The following LINGO2 variants were observed in gnomAD, a reference collection of about 807,000 sequenced individuals.
LINGO2 encodes the protein leucine-rich repeat and immunoglobulin-like domain-containing nogo receptor-interacting protein 2.
A neutral mutation model predicts 30.6 loss-of-function variants in LINGO2; 14 were observed. That is an observed-to-expected ratio of 0.46 (90% confidence interval 0.30 to 0.72). The LOEUF is 0.72. LINGO2 is among the 30% of genes least tolerant of loss of function. LINGO2 has a pLI of 0.07. For synonymous variants in LINGO2, 317 were observed against 288.5 expected (o/e 1.10, Z -1.00); for missense variants, 729 against 751.7 (o/e 0.97, Z 0.35).
At chr9:28,364,454 T>C (rs1217703738) in intron 3 of LINGO2, among the ~76,000 whole-genome samples, 1 of 152,182 alleles carries the variant, frequency 6.6e-6, no homozygotes, top group Non-Finnish European at 1.5e-5. Flanking sequence ...TTGGCGGTCT[T>C]CAGAAAACAG....
At position 27,949,266 on chromosome 9, in the gene LINGO2, T is replaced by C. The variant is rs1823503361; in HGVS notation, c.1406A>G (p.Glu469Gly). The change falls in exon 6 of 6, where the codon GAA (glutamate) becomes GGA (glycine). Residue 469 changes from glutamate (E) to glycine (G), a missense_variant. Transcript: ENST00000379992. The stretch of plus-strand genomic sequence containing the variant: ...GTCTTGATCCTGGGCAAAGCGGATT[T>C]CCAAGGTGCCATCACCCAACACGGT... 1 of 1,614,090 alleles carries C rather than the reference T, an allele frequency of 6.2e-7. No homozygotes were observed.
intron 1 of LINGO2, among the ~76,000 whole-genome samples, chr9:28,608,167 T>C (rs902002638): frequency 2.0e-5 from 3 of 151,256 alleles, no homozygotes; most frequent in African/African-American, 7.3e-5. Context: ...AAAAAAAACT[T>C]AGTACTATCT....
intron 4 of LINGO2, among the ~76,000 whole-genome samples, chr9:28,230,849 A>T (rs1821329896): frequency 6.6e-6 from 1 of 151,924 alleles, no homozygotes; most frequent in South Asian, 2.1e-4. Context: ...AGTCTTAAAT[A>T]TGTTTTATAA....
intron 4 of LINGO2, among the ~76,000 whole-genome samples, chr9:28,139,711 A>G (rs1477561960): frequency 6.6e-6 from 1 of 152,236 alleles, no homozygotes; most frequent in Non-Finnish European, 1.5e-5. Context: ...TGAGATGTTC[A>G]TATGGAATAT....
chr9:29,156,574 C>T, the LINGO2 span, among the ~76,000 whole-genome samples: 2 of 152,036 alleles, frequency 1.3e-5, no homozygotes, highest in African/African-American at 4.8e-5. Context: ...ATAAATAAGG[C>T]TAAAATTCTT....
the LINGO2 span, among the ~76,000 whole-genome samples, chr9:29,041,472 A>G: frequency 6.6e-6 from 1 of 152,024 alleles, no homozygotes; most frequent in Non-Finnish European, 1.5e-5. Context: ...ACAGTGTGGT[A>G]TTGGTGGAAA....
intron 2 of LINGO2, among the ~76,000 whole-genome samples, chr9:28,430,882 A>G (rs933587418): frequency 7.2e-5 from 11 of 152,048 alleles, no homozygotes; most frequent in Non-Finnish European, 1.3e-4. Context: ...GGACTAAAGA[A>G]TCTGCTTCCC....
the LINGO2 span, among the ~76,000 whole-genome samples, chr9:29,049,696 A>G: frequency 6.6e-6 from 1 of 152,208 alleles, no homozygotes; most frequent in Admixed American, 6.5e-5. Flanking sequence ...AGGCCCAGAA[A>G]AACAAACATT....
chr9:28,080,611 T>C (rs1217358454), intron 4 of LINGO2: 1 of 152,196 alleles, frequency 6.6e-6, no homozygotes, highest in Non-Finnish European at 1.5e-5. Flanking sequence ...AAAATTATTT[T>C]GTTTGTTTCT....
chr9:29,093,369 A>G, the LINGO2 span, among the ~76,000 whole-genome samples: 2 of 133,420 alleles, frequency 1.5e-5, no homozygotes, highest in African/African-American at 2.8e-5. Flanking sequence ...GATGTCCTAT[A>G]CTAATTTGTT....
chr9:28,992,817 G>A, the LINGO2 span, among the ~76,000 whole-genome samples: 5 of 152,000 alleles, frequency 3.3e-5, no homozygotes, highest in East Asian at 1.9e-4. Flanking sequence ...TGAAACCAAC[G>A]AGAACGAAGA....
the LINGO2 span, among the ~76,000 whole-genome samples, chr9:29,195,598 AT>A: frequency 5.1e-4 from 77 of 152,242 alleles, no homozygotes; most frequent in African/African-American, 1.8e-3. Flanking sequence ...TCCACAACTA[AT>A]TAGTAATTAT....
At chr9:28,737,507 A>T in the LINGO2 span, among the ~76,000 whole-genome samples, 1 of 152,186 alleles carries the variant, frequency 6.6e-6, no homozygotes. Context: ...CATTTTACAG[A>T]TGAAGAAATT....
At chr9:27,999,189 C>G (rs190245680) in intron 5 of LINGO2, among the ~76,000 whole-genome samples, 1 of 151,874 alleles carries the variant, frequency 6.6e-6, no homozygotes, top group Admixed American at 6.6e-5. Flanking sequence ...AAAAAAAAAC[C>G]CAACACTGCC....
the LINGO2 span, among the ~76,000 whole-genome samples, chr9:28,912,207 A>G: frequency 6.6e-5 from 10 of 152,234 alleles, no homozygotes; most frequent in Middle Eastern, 3.4e-3. Context: ...AAAGCCTATA[A>G]AGTGAAAAAT....
the LINGO2 span, among the ~76,000 whole-genome samples, chr9:29,084,364 A>G: frequency 6.6e-6 from 1 of 152,156 alleles, no homozygotes; most frequent in African/African-American, 2.4e-5. Context: ...TCTTGAACAG[A>G]CAGTAAAAGG....
chr9:29,056,097 G>A, the LINGO2 span, among the ~76,000 whole-genome samples: 11 of 151,892 alleles, frequency 7.2e-5, no homozygotes, highest in East Asian at 5.8e-4. Flanking sequence ...TATCTATTTC[G>A]TATAATGACT....
intron 4 of LINGO2, among the ~76,000 whole-genome samples, chr9:28,224,133 C>T (rs538567342): frequency 2.0e-5 from 3 of 152,108 alleles, no homozygotes; most frequent in Non-Finnish European, 2.9e-5. Context: ...GGTGCCATCT[C>T]GGCTCACTGC....
chr9:28,564,664 T>C (rs539432238), intron 1 of LINGO2, among the ~76,000 whole-genome samples: 1 of 152,168 alleles, frequency 6.6e-6, no homozygotes, highest in African/African-American at 2.4e-5. Flanking sequence ...GGCTCCAATG[T>C]GCTTTTCAAG....
Sources: allele counts gnomAD v4.1 joint callset (sites outside exome capture counted in the v4.1 genomes callset), GRCh38; gene constraint gnomAD v4.1.1; transcripts MANE v1.5; gene names NCBI Gene and HGNC (gene_info 2026-07-23, HGNC 2026-07-21).